The following AGMO variants were observed in gnomAD, a reference collection of about 807,000 sequenced individuals.
AGMO encodes the protein glyceryl-ether monooxygenase.
A neutral mutation model predicts 60.2 loss-of-function variants in AGMO; 75 were observed. The ratio of observed to expected loss-of-function variants is 1.25; its 90% CI spans 1.03 to 1.51. AGMO has a LOEUF of 1.51. Among genes scored for constraint, AGMO ranks in the 40% most tolerant of loss-of-function variants. AGMO has a pLI of 0.00. For missense variants in AGMO, 763 were observed against 525.5 expected (o/e 1.45, Z -4.42); for synonymous variants, 261 against 177.1 (o/e 1.47, Z -3.76).
chr7:15,290,025 TAAGTTGA>T, intron 12 of AGMO, among the ~76,000 whole-genome samples: 1 of 110,476 alleles, frequency 9.1e-6, no homozygotes, highest in Non-Finnish European at 1.8e-5. Context: ...TGGTCCACCT[TAAGTTGA>T]TTTTTTTTTT....
At chr7:15,474,614 C>A (rs971752438) in intron 3 of AGMO, among the ~76,000 whole-genome samples, 1 of 151,910 alleles carries the variant, frequency 6.6e-6, no homozygotes, top group East Asian at 1.9e-4. Flanking sequence ...ACCTAGGCAA[C>A]ACCATCAAGG....
chr7:15,205,411 T>A (rs1202234616), intron 12 of AGMO, among the ~76,000 whole-genome samples: 2 of 129,070 alleles, frequency 1.5e-5, no homozygotes. Context: ...AAATTGCTAA[T>A]TTTTTTGGTC....
At chr7:15,543,243 G>C (rs755486455) in intron 3 of AGMO, among the ~76,000 whole-genome samples, 2 of 152,046 alleles carry the variant, frequency 1.3e-5, no homozygotes, top group Non-Finnish European at 2.9e-5. Flanking sequence ...AAATACTTTG[G>C]CATGCTTTTT....
At chr7:15,174,436 A>G in the AGMO span, among the ~76,000 whole-genome samples, 1 of 152,098 alleles carries the variant, frequency 6.6e-6, no homozygotes, top group Non-Finnish European at 1.5e-5. Flanking sequence ...AAATTTTAAG[A>G]AAGATACTTT....
At chr7:15,148,982 G>T in the AGMO span, among the ~76,000 whole-genome samples, 1 of 152,048 alleles carries the variant, frequency 6.6e-6, no homozygotes, top group Non-Finnish European at 1.5e-5. Context: ...GCTAACACCT[G>T]TTATTTTCTG....
At chr7:15,548,101 C>T (rs538446263) in intron 2 of AGMO, among the ~76,000 whole-genome samples, 184 of 151,606 alleles carry the variant, frequency 1.2e-3, no homozygotes, top group Non-Finnish European at 1.9e-3. Context: ...CTGCAGCTGA[C>T]GGTCATGTCT....
chr7:15,240,384 C>A (rs887087405), intron 12 of AGMO, among the ~76,000 whole-genome samples: 1 of 152,080 alleles, frequency 6.6e-6, no homozygotes, highest in African/African-American at 2.4e-5. Context: ...TAGTGACCAG[C>A]CTTCATCTGA....
chr7:15,208,477 C>A (rs1781495140), intron 12 of AGMO, among the ~76,000 whole-genome samples: 1 of 152,104 alleles, frequency 6.6e-6, no homozygotes, highest in Non-Finnish European at 1.5e-5. Flanking sequence ...CTATAAAAAA[C>A]TTTTAAGAAT....
chr7:15,156,111 A>G, the AGMO span, among the ~76,000 whole-genome samples: 1 of 152,188 alleles, frequency 6.6e-6, no homozygotes, highest in Non-Finnish European at 1.5e-5. Context: ...ACATATGCAC[A>G]CCAGTAGAGT....
chr7:15,364,169 A>C (rs1261244301), intron 12 of AGMO, among the ~76,000 whole-genome samples: 1 of 151,926 alleles, frequency 6.6e-6, no homozygotes, highest in Non-Finnish European at 1.5e-5. Flanking sequence ...AGAGGTTGAG[A>C]AGTTTTAAAG....
chr7:15,162,331 G>A, the AGMO span, among the ~76,000 whole-genome samples: 3 of 152,092 alleles, frequency 2.0e-5, no homozygotes, highest in Non-Finnish European at 2.9e-5. Flanking sequence ...TACAACTCAA[G>A]GTAGGTTTCT....
chr7:15,539,100 G>A (rs1465349472), intron 3 of AGMO, among the ~76,000 whole-genome samples: 2 of 151,892 alleles, frequency 1.3e-5, no homozygotes, highest in South Asian at 2.1e-4. Context: ...GTGCAACTGG[G>A]TAAATTCTTT....
At chr7:15,251,195 C>G (rs1216353127) in intron 12 of AGMO, among the ~76,000 whole-genome samples, 1 of 152,068 alleles carries the variant, frequency 6.6e-6, no homozygotes, top group Non-Finnish European at 1.5e-5. Flanking sequence ...TACTTCATGG[C>G]CCTGTTTCTT....
At chr7:15,342,957 G>A (rs981967376) in intron 12 of AGMO, among the ~76,000 whole-genome samples, 3 of 152,024 alleles carry the variant, frequency 2.0e-5, no homozygotes, top group Non-Finnish European at 2.9e-5. Flanking sequence ...TGTATACTTA[G>A]AATGGAGCAG....
intron 12 of AGMO, among the ~76,000 whole-genome samples, chr7:15,241,416 C>T (rs1355893931): frequency 1.5e-5 from 2 of 135,614 alleles, no homozygotes; most frequent in African/African-American, 5.6e-5. Context: ...GCCGGGATAG[C>T]GCCACTGCAG....
At chr7:15,535,621 C>A (rs1203608942) in intron 3 of AGMO, among the ~76,000 whole-genome samples, 1 of 151,724 alleles carries the variant, frequency 6.6e-6, no homozygotes, top group African/African-American at 2.4e-5. Flanking sequence ...GATGTAAGCA[C>A]CCAAAGGGTA....
chr7:15,129,117 G>A, the AGMO span, among the ~76,000 whole-genome samples: 4 of 152,010 alleles, frequency 2.6e-5, no homozygotes, highest in Admixed American at 2.6e-4. Flanking sequence ...GTAAGAGAGG[G>A]GGAAAGGACA....
intron 3 of AGMO, among the ~76,000 whole-genome samples, chr7:15,449,081 T>A (rs546393032): frequency 6.6e-6 from 1 of 152,178 alleles, no homozygotes; most frequent in African/African-American, 2.4e-5. Context: ...AAACTACAGA[T>A]AAGTAATGCA....
rs182319240 is a variant in AGMO at position 15,529,768 on chromosome 7, C to A, written c.409+15004G>T. Among the ~76,000 whole-genome samples the A allele has an allele frequency of 6.6e-5, 7 of 106,126 alleles. 1 individual carries two copies. Among genetic ancestry groups the A allele is most frequent in the South Asian group, 5.4e-4 (2 of 3,684 alleles). The allele number at this position is 106,126 out of a possible 152,430, so 69.6% of individuals were successfully genotyped here. A position where few individuals can be genotyped will look rare whatever the true frequency, so the allele number is the denominator to read the frequency against. On this transcript the variant is annotated intron_variant, in intron 3 of 12. Coordinates refer to ENST00000342526, the MANE Select transcript of AGMO (RefSeq NM_001004320.2). The stretch of plus-strand genomic sequence containing the variant: ...TATATATTTCTATATATATATTTCT[C>A]TATATATATTTCTCTATATATATTT...
Sources: allele counts gnomAD v4.1 joint callset (sites outside exome capture counted in the v4.1 genomes callset), GRCh38; gene constraint gnomAD v4.1.1; transcripts MANE v1.5; gene names NCBI Gene and HGNC (gene_info 2026-07-23, HGNC 2026-07-21).